The following WASHC4 variants were observed in gnomAD, a reference collection of about 807,000 sequenced individuals.
The protein encoded by WASHC4 is WASH complex subunit 4.
A neutral mutation model predicts 166.6 loss-of-function variants in WASHC4; 86 were observed. The observed-to-expected ratio is 0.52, with a 90% CI of 0.43 to 0.62. The LOEUF is 0.62. WASHC4 is among the 20% of genes least tolerant of loss of function. The pLI, the probability that WASHC4 is intolerant of heterozygous loss-of-function variation, is 0.00. For missense variants in WASHC4, 1,262 were observed against 1,382.4 expected, an observed-to-expected ratio of 0.91 and a Z score of 1.38; for synonymous variants, 446 against 451.6, an observed-to-expected ratio of 0.99 and a Z score of 0.16.
intron 29 of WASHC4, among the ~76,000 whole-genome samples, chr12:105,161,335 CA>C (rs1462148135): frequency 6.6e-6 from 1 of 152,148 alleles, no homozygotes; most frequent in South Asian, 2.1e-4. Context: ...TATGATATAG[CA>C]AAAAATGTTC....
At chr12:105,119,208 GTGATACTGCC>G (rs1175443342) in intron 7 of WASHC4, among the ~76,000 whole-genome samples, 1 of 152,166 alleles carries the variant, frequency 6.6e-6, no homozygotes, top group Non-Finnish European at 1.5e-5. Context: ...CACTGAGGAG[GTGATACTGCC>G]TGGCTGCTGC....
intron 8 of WASHC4, 46 bp from the exon 9 acceptor site, chr12:105,121,055 C>A: frequency 7.6e-7 from 1 of 1,308,068 alleles, no homozygotes. Context: ...TGAGGCTTAA[C>A]TTCTAACTAG....
Position 105,144,764 on chromosome 12 carries a change from T to C in WASHC4, c.2226T>C (p.Thr742=), listed in dbSNP as rs1883160859. The C allele has an allele frequency of 6.2e-7, 1 of 1,612,690 alleles. No individual in the cohort carries two copies. Among genetic ancestry groups the C allele is most frequent in the African/African-American group, 1.3e-5 (1 of 74,816 alleles). The change falls in exon 22 of 33, where the codon ACT becomes ACC. Residue 742 remains threonine, a synonymous_variant. Transcript: ENST00000332180. Reference sequence around the variant, plus strand: ...ACAAGACTTTCTACAATCTAACAACTGTAGCCCTTCATGACTGGGCCACTT... The same window carrying C: ...ACAAGACTTTCTACAATCTAACAACCGTAGCCCTTCATGACTGGGCCACTT... ...YLDKTFYNLT[T]VALHDWATYS...
At chr12:105,164,917 A>C (rs1884721210) in intron 32 of WASHC4, among the ~76,000 whole-genome samples, 177 bp downstream of exon 32, 3 of 152,226 alleles carry the variant, frequency 2.0e-5, no homozygotes, top group Admixed American at 2.0e-4. Flanking sequence ...GAAATTGAAA[A>C]GGAATTTATG....
At chr12:105,159,284 T>C (rs1391097438) in intron 28 of WASHC4, among the ~76,000 whole-genome samples, 1 of 152,218 alleles carries the variant, frequency 6.6e-6, no homozygotes, top group Non-Finnish European at 1.5e-5. Flanking sequence ...TGACTGCTAG[T>C]TGGAAGATCC....
chr12:105,161,499 T>A (rs925927514), intron 29 of WASHC4, among the ~76,000 whole-genome samples: 4 of 152,200 alleles, frequency 2.6e-5, no homozygotes, highest in African/African-American at 4.8e-5. Flanking sequence ...TAGACAGCAG[T>A]TAACCCATTG....
intron 15 of WASHC4, among the ~76,000 whole-genome samples, chr12:105,139,821 G>T (rs908878564): frequency 6.6e-6 from 1 of 151,354 alleles, no homozygotes; most frequent in Non-Finnish European, 1.5e-5. Context: ...TCTTTATAGA[G>T]ACTTTTGATG....
chr12:105,162,493 G>A (rs1884560000), intron 29 of WASHC4, among the ~76,000 whole-genome samples: 1 of 152,060 alleles, frequency 6.6e-6, no homozygotes, highest in South Asian at 2.1e-4. Context: ...ACTGTTCTTG[G>A]GCTAAGTAGT....
chr12:105,108,175 G>A (rs913931575), intron 1 of WASHC4, among the ~76,000 whole-genome samples: 1 of 152,182 alleles, frequency 6.6e-6, no homozygotes, highest in Non-Finnish European at 1.5e-5. Context: ...GCGCCCGGGA[G>A]GCCCAGCGGC....
At position 105,167,025 on chromosome 12, in the gene WASHC4, G is replaced by C. The variant is rs1884851226; in HGVS notation, c.*94G>C. ...ATAAACTATTGATGAATTGTTTCCTGGGTCACATCTCTGGAAAATAGATGT... is the reference window on the plus strand; with the variant it reads ...ATAAACTATTGATGAATTGTTTCCTCGGTCACATCTCTGGAAAATAGATGT... On this transcript the variant is annotated 3_prime_UTR_variant, in exon 33 of 33. Coordinates refer to ENST00000332180, the MANE Select transcript of WASHC4 (RefSeq NM_015275.3). 3.6e-6 allele frequency: 3 copies of C among 843,776 alleles called. No homozygotes were observed. Among genetic ancestry groups the C allele is most frequent in the Admixed American group, 1.7e-5 (1 of 58,058 alleles). The allele number at this position is 843,776 out of a possible 1,614,324, so 52.3% of individuals were successfully genotyped here. A position where few individuals can be genotyped will look rare whatever the true frequency, so the allele number is the denominator to read the frequency against.
At position 105,143,350 on chromosome 12, in the gene WASHC4, A is replaced by G. The variant is rs1592894550; in HGVS notation, c.2010+107A>G. 2.3e-5 allele frequency: 16 copies of G among 690,294 alleles called. No individual in the cohort carries two copies. The East Asian group carries it at 4.4e-4, about 19-fold the overall frequency. 42.8% of individuals were successfully genotyped at this position (690,294 alleles called of 1,614,324 possible). ...CTCACTGAGTTAAAATTATTTATAA[A>G]TTGCTGGGTAGAACAAAGAACTATT... On this transcript the variant is annotated intron_variant, in intron 20 of 32. Transcript: ENST00000332180.
rs1373730343 is a variant in WASHC4, at chr12:105,167,007, A to G, written c.*76A>G. On this transcript the variant is annotated 3_prime_UTR_variant, in exon 33 of 33. Coordinates refer to ENST00000332180, the MANE Select transcript of WASHC4 (RefSeq NM_015275.3). ...CTTTTGCCAGTGGAATGGATAAACTATTGATGAATTGTTTCCTGGGTCACA... is the reference window on the plus strand; with the variant it reads ...CTTTTGCCAGTGGAATGGATAAACTGTTGATGAATTGTTTCCTGGGTCACA... 1.7e-5 allele frequency: 16 copies of G among 929,350 alleles called. No homozygotes were observed. Among genetic ancestry groups the G allele is most frequent in the Middle Eastern group, 2.1e-4 (1 of 4,754 alleles). 57.6% of individuals were successfully genotyped at this position (929,350 alleles called of 1,614,324 possible). A position where few individuals can be genotyped will look rare whatever the true frequency, so the allele number is the denominator to read the frequency against.
chr12:105,164,124 T>G lies in WASHC4; in HGVS notation c.3171T>G (p.Ile1057Met). Residue 1057 changes from isoleucine (I) to methionine (M), a missense_variant, in exon 31 of 33, where the codon ATT becomes ATG. Ile to Met is a conservative substitution (Grantham distance 10, BLOSUM62 1). Transcript: ENST00000332180. Reference protein sequence around the residue: ...DDGFAMGVAYILKLLDQYREF... With the variant: ...DDGFAMGVAYMLKLLDQYREF... ...TTATGCCTGCAGGTGTGGCTTACAT[T>G]CTAAAGCTTTTGGATCAGTATCGGG... is the stretch of plus-strand genomic sequence containing the variant. The G allele has an allele frequency of 6.2e-7, 1 of 1,614,188 alleles. No individual in the cohort carries two copies.
At chr12:105,132,699 TACTTA>T (rs935192471) in intron 13 of WASHC4, among the ~76,000 whole-genome samples, 2 of 152,152 alleles carry the variant, frequency 1.3e-5, no homozygotes, top group African/African-American at 4.8e-5. Context: ...TCTTGCTGCC[TACTTA>T]ACTTCTCTGT....
Position 105,140,336 on chromosome 12 carries a change from G to A in WASHC4, c.1495G>A (p.Asp499Asn), listed in dbSNP as rs753408930. 6.2e-7 allele frequency: 1 copy of A among 1,613,892 alleles called. No individual in the cohort carries two copies. The highest frequency in any genetic ancestry group is 1.7e-5 in the Admixed American group (1 of 60,014). Residue 499 changes from aspartate to asparagine, a missense_variant, in exon 16 of 33, where the codon GAT becomes AAT. Asp to Asn is a conservative substitution (Grantham distance 23, BLOSUM62 1). Coordinates refer to ENST00000332180, the MANE Select transcript of WASHC4 (RefSeq NM_015275.3). Reference protein sequence around the residue: ...MFYRRSMVVADSVSHITQHLQ... With the variant: ...MFYRRSMVVANSVSHITQHLQ... ...CTACAGGAGAAGCATGGTTGTGGCT[G>A]ATTCAGTTTCACATATAACACAGCA...
At chr12:105,165,868 A>T (rs1176457616) in intron 32 of WASHC4, among the ~76,000 whole-genome samples, 1 of 152,232 alleles carries the variant, frequency 6.6e-6, no homozygotes, top group Non-Finnish European at 1.5e-5. Context: ...ATTAAATGAA[A>T]ATTTATACAT....
chr12:105,164,903 G>T (rs942439645), intron 32 of WASHC4, among the ~76,000 whole-genome samples, 163 bp downstream of exon 32: 3 of 152,220 alleles, frequency 2.0e-5, no homozygotes, highest in Non-Finnish European at 4.4e-5. Flanking sequence ...TATAGATCTT[G>T]TGTGAAATTG....
intron 21 of WASHC4, 35 bp downstream of exon 21, chr12:105,144,490 CTCTT>C: frequency 6.9e-7 from 1 of 1,444,930 alleles, no homozygotes; most frequent in Non-Finnish European, 9.5e-7. Flanking sequence ...GAGTCATATT[CTCTT>C]TTTTTTTTTT....
At chr12:105,116,384 T>A (rs1029652766) in intron 6 of WASHC4, among the ~76,000 whole-genome samples, 1 of 152,146 alleles carries the variant, frequency 6.6e-6, no homozygotes, top group African/African-American at 2.4e-5. Flanking sequence ...TCTTTACTAC[T>A]TTTTTTGGTC....
Sources: allele counts gnomAD v4.1 joint callset (sites outside exome capture counted in the v4.1 genomes callset), GRCh38; gene constraint gnomAD v4.1.1; transcripts MANE v1.5; gene names NCBI Gene and HGNC (gene_info 2026-07-23, HGNC 2026-07-21).